Variants in PDLIM5 observed in about 807,000 individuals in gnomAD.
PDLIM5 encodes the protein PDZ and LIM domain 5.
A neutral mutation model predicts 64.2 loss-of-function variants in PDLIM5; 34 were observed. The observed-to-expected ratio is 0.53, with a 90% CI of 0.40 to 0.71. The LOEUF (loss-of-function observed/expected upper bound fraction) is 0.71. Among genes scored for constraint, PDLIM5 ranks in the 30% least tolerant of loss-of-function variants. The pLI, the probability that PDLIM5 is intolerant of heterozygous loss-of-function variation, is 0.00. For synonymous variants in PDLIM5, 253 were observed against 269.1 expected (o/e 0.94, Z 0.59); for missense variants, 683 against 733.6 (o/e 0.93, Z 0.80).
At chr4:94,662,351 G>A (rs1264072175) in intron 11 of PDLIM5, 71 bp from the exon 12 acceptor site, 2 of 704,680 alleles carry the variant, frequency 2.8e-6, no homozygotes, top group South Asian at 1.9e-5. Context: ...TTTTGTTGCT[G>A]CCTTCTAGGA....
At chr4:94,617,465 C>T (rs1465095496) in intron 7 of PDLIM5, among the ~76,000 whole-genome samples, 2 of 151,770 alleles carry the variant, frequency 1.3e-5, no homozygotes, top group Non-Finnish European at 2.9e-5. Context: ...CAACGTTTGG[C>T]ATATAGTAGG....
rs1740145461 is a variant in PDLIM5, at chr4:94,631,506, A to G, written c.1109-8770A>G. Among the ~76,000 whole-genome samples, 3 of 152,206 alleles carry G rather than the reference A, an allele frequency of 2.0e-5. No homozygotes were observed. The South Asian group carries it at 6.2e-4, about 31-fold the overall frequency. ...TTATCCTAGCAGGCTCAGTAAGGAA[A>G]TTAAAATAGCAGAAATAAATCACCT... On this transcript the variant is annotated intron_variant, in intron 8 of 12. Coordinates refer to ENST00000317968, the MANE Select transcript of PDLIM5 (RefSeq NM_006457.5).
chr4:94,506,446 T>C (rs1051937406), intron 2 of PDLIM5, among the ~76,000 whole-genome samples: 1 of 152,194 alleles, frequency 6.6e-6, no homozygotes, highest in Non-Finnish European at 1.5e-5. Flanking sequence ...CAGTGTCTCA[T>C]GAAGGCTCAC....
At chr4:94,539,927 G>T (rs538411184) in intron 3 of PDLIM5, among the ~76,000 whole-genome samples, 1 of 152,042 alleles carries the variant, frequency 6.6e-6, no homozygotes, top group Non-Finnish European at 1.5e-5. Context: ...CTTGGCTGCC[G>T]TGAGTAAAAT....
intron 12 of PDLIM5, 88 bp from the exon 13 acceptor site, chr4:94,663,890 A>T: frequency 1.4e-6 from 2 of 1,387,684 alleles, no homozygotes; most frequent in Non-Finnish European, 9.7e-7. Context: ...TTGGGGGGAA[A>T]AATCACTCTC....
rs1273635537 is a variant in PDLIM5 at position 94,665,190 on chromosome 4, GAATA to G, written c.*1128_*1131del. On this transcript the variant is annotated 3_prime_UTR_variant, in exon 13 of 13. Coordinates refer to ENST00000317968, the MANE Select transcript of PDLIM5 (RefSeq NM_006457.5). ...TCATAGTTTTCTCTCTCTTTAAAGA[GAATA>G]AATAGAGGGCCAGGTGTGGTGGCTC... 45 of 923,946 alleles carry G rather than the reference GAATA, an allele frequency of 4.9e-5. No individual in the cohort carries two copies. Among genetic ancestry groups the G allele is most frequent in the Middle Eastern group, 5.6e-4 (1 of 1,794 alleles). 57.2% of individuals were successfully genotyped at this position (923,946 alleles called of 1,614,324 possible).
chr4:94,623,951 T>C (rs1294958902), intron 8 of PDLIM5, among the ~76,000 whole-genome samples: 1 of 152,154 alleles, frequency 6.6e-6, no homozygotes, highest in African/African-American at 2.4e-5. Context: ...AGTAATACAT[T>C]ATTTATTTTT....
chr4:94,566,581 C>T (rs557222146), intron 3 of PDLIM5, among the ~76,000 whole-genome samples: 1 of 152,258 alleles, frequency 6.6e-6, no homozygotes, highest in East Asian at 1.9e-4. Context: ...AACAGTTCTG[C>T]AAGGGAGGTA....
chr4:94,461,381 A>G lies in PDLIM5; in HGVS notation c.96+5997A>G, dbSNP rs114885487. 5.1e-3 allele frequency among the ~76,000 whole-genome samples: 778 copies of G among 152,342 alleles called. 12 individuals carry two copies. Among genetic ancestry groups the G allele is most frequent in the African/African-American group, 0.017 (695 of 41,584 alleles). ...AAGAGAAAACATTAAGTAACTAAAG[A>G]GCAGTGACCATGGTGTCTACTGATT... On this transcript the variant is annotated intron_variant, in intron 2 of 12. Coordinates refer to ENST00000317968, the MANE Select transcript of PDLIM5 (RefSeq NM_006457.5).
intron 2 of PDLIM5, among the ~76,000 whole-genome samples, chr4:94,463,587 G>C (rs1724088340): frequency 6.6e-6 from 1 of 152,104 alleles, no homozygotes; most frequent in South Asian, 2.1e-4. Flanking sequence ...TGCTGTCTCA[G>C]GGTGTGCCAG....
intron 8 of PDLIM5, 71 bp downstream of exon 8, chr4:94,618,262 T>C: frequency 9.6e-7 from 1 of 1,037,224 alleles, no homozygotes; most frequent in Non-Finnish European, 1.4e-6. Flanking sequence ...TTCTGGGATA[T>C]ATGGTAGAAT....
At chr4:94,657,604 C>T (rs1742309794) in intron 11 of PDLIM5, 57 bp downstream of exon 11, 2 of 1,297,700 alleles carry the variant, frequency 1.5e-6, no homozygotes, top group Admixed American at 2.1e-5. Flanking sequence ...AACATTAACC[C>T]TTATATTACT....
intron 2 of PDLIM5, among the ~76,000 whole-genome samples, chr4:94,513,653 A>G (rs1219697004): frequency 6.6e-6 from 1 of 152,212 alleles, no homozygotes; most frequent in Non-Finnish European, 1.5e-5. Flanking sequence ...ATATAAGATC[A>G]TATCATCTGC....
At chr4:94,590,385 C>T (rs1736581882) in intron 7 of PDLIM5, among the ~76,000 whole-genome samples, 1 of 152,062 alleles carries the variant, frequency 6.6e-6, no homozygotes, top group African/African-American at 2.4e-5. Context: ...TATTTAAAAT[C>T]ATATAAATTG....
intron 2 of PDLIM5, among the ~76,000 whole-genome samples, chr4:94,513,025 T>C (rs1291855484): frequency 6.6e-6 from 1 of 152,226 alleles, no homozygotes; most frequent in Non-Finnish European, 1.5e-5. Flanking sequence ...GGCACTTCTG[T>C]TGAAAATGAG....
intron 9 of PDLIM5, among the ~76,000 whole-genome samples, chr4:94,650,430 T>G (rs1741751800): frequency 6.6e-6 from 1 of 152,202 alleles, no homozygotes; most frequent in African/African-American, 2.4e-5. Flanking sequence ...CTTGAGCACG[T>G]CAGTTTTTTT....
At chr4:94,462,827 T>A (rs1293071600) in intron 2 of PDLIM5, among the ~76,000 whole-genome samples, 2 of 152,202 alleles carry the variant, frequency 1.3e-5, no homozygotes, top group Admixed American at 1.3e-4. Context: ...ACCTTGATCA[T>A]TTCCAATCAG....
At chr4:94,535,976 T>C (rs990860366) in intron 3 of PDLIM5, among the ~76,000 whole-genome samples, 2 of 152,134 alleles carry the variant, frequency 1.3e-5, no homozygotes, top group Non-Finnish European at 2.9e-5. Context: ...GTAGATTTTC[T>C]ACTTTGATAT....
At chr4:94,577,505 CA>C (rs1560715880) in intron 5 of PDLIM5, 1 of 328,910 alleles carries the variant, frequency 3.0e-6, no homozygotes, top group Non-Finnish European at 5.9e-6. Context: ...TAGTATCCTT[CA>C]AAAAAGAATG....
Sources: allele counts gnomAD v4.1 joint callset (sites outside exome capture counted in the v4.1 genomes callset), GRCh38; gene constraint gnomAD v4.1.1; transcripts MANE v1.5; gene names NCBI Gene and HGNC (gene_info 2026-07-23, HGNC 2026-07-21).